The following UVRAG variants were observed in gnomAD, a reference collection of about 807,000 sequenced individuals.
UVRAG encodes UV radiation resistance associated, also known as UV radiation resistance-associated gene protein.
UVRAG carries 19 observed loss-of-function variants against 78.0 expected under a neutral mutation model. The ratio of observed to expected loss-of-function variants is 0.24; its 90% confidence interval spans 0.17 to 0.36. UVRAG has a LOEUF of 0.36. UVRAG is among the 10% of genes least tolerant of loss of function. The pLI, the probability that UVRAG is intolerant of heterozygous loss-of-function variation, is 1.00. For missense variants in UVRAG, 740 were observed against 853.8 expected (o/e 0.87, Z 1.66); for synonymous variants, 323 against 324.6 (o/e 1.00, Z 0.05).
chr11:75,905,382 C>T (rs557360628), intron 5 of UVRAG, among the ~76,000 whole-genome samples: 70 of 152,306 alleles, frequency 4.6e-4, no homozygotes, highest in African/African-American at 1.5e-3. Flanking sequence ...CCATCTCTGT[C>T]AAGTTGCAAA....
At chr11:76,101,590 C>G (rs1951880899) in intron 13 of UVRAG, among the ~76,000 whole-genome samples, 3 of 152,098 alleles carry the variant, frequency 2.0e-5, no homozygotes, top group South Asian at 4.1e-4. Context: ...TTAATTTGAT[C>G]TCATTTGTTA....
intron 12 of UVRAG, among the ~76,000 whole-genome samples, chr11:76,029,968 AC>A (rs1189945216): frequency 2.0e-5 from 3 of 152,334 alleles, no homozygotes; most frequent in African/African-American, 7.2e-5. Context: ...ACCAGCAAAA[AC>A]ATTATGACTC....
At chr11:76,076,380 G>T (rs1951404383) in intron 13 of UVRAG, among the ~76,000 whole-genome samples, 2 of 152,194 alleles carry the variant, frequency 1.3e-5, no homozygotes, top group African/African-American at 4.8e-5. Context: ...GTGTTACATG[G>T]CAGCAAGCAA....
At chr11:75,951,967 A>G (rs192445509) in intron 6 of UVRAG, among the ~76,000 whole-genome samples, 1 of 152,272 alleles carries the variant, frequency 6.6e-6, no homozygotes. Context: ...GTATCTTCCA[A>G]TCCATGAAAT....
rs1946035408 is a variant in UVRAG, at chr11:75,846,446, G to GT, written c.118-5436dup. 3.3e-5 allele frequency among the ~76,000 whole-genome samples: 5 copies of GT among 152,126 alleles called. No individual in the cohort carries two copies. The South Asian group carries it at 1.0e-3, about 32-fold the overall frequency. On this transcript the variant is annotated intron_variant, in intron 1 of 14. Transcript: ENST00000356136. ...TTTTATGAATTATGCCTTTGGTGTT[G>GT]TATCTAGAAAGTCCTCACAAACCCA...
intron 3 of UVRAG, among the ~76,000 whole-genome samples, chr11:75,863,306 CTCT>C (rs1565351193): frequency 1.3e-5 from 2 of 152,170 alleles, no homozygotes; most frequent in South Asian, 4.1e-4. Flanking sequence ...GTTTTTCCTC[CTCT>C]CCTTGCTCAG....
chr11:76,024,806 T>C (rs1356681718), intron 12 of UVRAG, among the ~76,000 whole-genome samples: 1 of 152,186 alleles, frequency 6.6e-6, no homozygotes, highest in African/African-American at 2.4e-5. Context: ...AAGAGCAAAT[T>C]AGACATGGTT....
chr11:75,929,898 G>T (rs1948197803), intron 6 of UVRAG, among the ~76,000 whole-genome samples: 1 of 152,186 alleles, frequency 6.6e-6, no homozygotes, highest in Non-Finnish European at 1.5e-5. Context: ...TCTTAGAGAT[G>T]TAGATCACAT....
intron 12 of UVRAG, among the ~76,000 whole-genome samples, chr11:76,057,803 T>G (rs1030476515): frequency 2.0e-5 from 3 of 152,200 alleles, no homozygotes; most frequent in Non-Finnish European, 4.4e-5. Context: ...CATAATAATT[T>G]AGTATGGGTC....
intron 12 of UVRAG, among the ~76,000 whole-genome samples, chr11:76,031,902 C>T (rs1950444797): frequency 6.6e-6 from 1 of 152,160 alleles, no homozygotes; most frequent in Non-Finnish European, 1.5e-5. Context: ...CATAGGACAG[C>T]ATAGATGCTT....
chr11:76,051,870 A>T (rs1950875967), intron 12 of UVRAG, among the ~76,000 whole-genome samples: 1 of 152,150 alleles, frequency 6.6e-6, no homozygotes, highest in Non-Finnish European at 1.5e-5. Context: ...TTCTTCCATG[A>T]GGACTTTTAG....
Position 75,908,712 on chromosome 11 carries a change from C to CTT in UVRAG, c.508-3216_508-3215dup, listed in dbSNP as rs1024795820. 3.2e-3 allele frequency among the ~76,000 whole-genome samples: 146 copies of CTT among 45,444 alleles called. 20 individuals are homozygous for CTT. The highest frequency in any genetic ancestry group is 3.7e-3 in the Non-Finnish European group (83 of 22,222). 29.8% of individuals were successfully genotyped at this position (45,444 alleles called of 152,430 possible). ...ACCAGTCAAATAATCTGGTTCTGGG[C>CTT]TTTTTTTTTTTTTTTTTTTTTTTTT... On this transcript the variant is annotated intron_variant, in intron 5 of 14. Transcript: ENST00000356136.
chr11:76,033,343 T>C (rs1159158957), intron 12 of UVRAG, among the ~76,000 whole-genome samples: 1 of 152,218 alleles, frequency 6.6e-6, no homozygotes, highest in Non-Finnish European at 1.5e-5. Context: ...AGTCACTCAG[T>C]AAATATTTGT....
chr11:75,824,263 A>G (rs189754060), intron 1 of UVRAG, among the ~76,000 whole-genome samples: 1 of 152,340 alleles, frequency 6.6e-6, no homozygotes, highest in East Asian at 1.9e-4. Context: ...TTTGGCTCTT[A>G]TAAATAAAAT....
At chr11:76,046,321 A>G (rs892910610) in intron 12 of UVRAG, among the ~76,000 whole-genome samples, 4 of 152,200 alleles carry the variant, frequency 2.6e-5, no homozygotes, top group African/African-American at 7.2e-5. Context: ...AAGGGAAACC[A>G]TAGATGATCA....
intron 7 of UVRAG, among the ~76,000 whole-genome samples, chr11:75,969,523 C>G (rs1357681475): frequency 6.6e-6 from 1 of 152,116 alleles, no homozygotes; most frequent in Non-Finnish European, 1.5e-5. Flanking sequence ...GAGACCATTT[C>G]TCATTCATCT....
At chr11:76,063,135 G>A (rs149825870) in intron 12 of UVRAG, among the ~76,000 whole-genome samples, 100 of 152,148 alleles carry the variant, frequency 6.6e-4, no homozygotes, top group Middle Eastern at 6.8e-3. Context: ...TATTTATTGC[G>A]TTCTGCTAGT....
chr11:75,915,149 CAGG>C (rs1947822985), intron 6 of UVRAG: 1 of 152,352 alleles, frequency 6.6e-6, no homozygotes, highest in African/African-American at 2.4e-5. Context: ...GAGGCTGAGG[CAGG>C]AGATTAGTTT....
At chr11:76,004,281 A>G (rs1949880900) in intron 9 of UVRAG, among the ~76,000 whole-genome samples, 192 bp downstream of exon 9, 1 of 152,246 alleles carries the variant, frequency 6.6e-6, no homozygotes, top group Non-Finnish European at 1.5e-5. Flanking sequence ...GAGGTCAGTT[A>G]TGAAAGCTCC....
Sources: allele counts gnomAD v4.1 joint callset (sites outside exome capture counted in the v4.1 genomes callset), GRCh38; gene constraint gnomAD v4.1.1; transcripts MANE v1.5; gene names NCBI Gene and HGNC (gene_info 2026-07-23, HGNC 2026-07-21).